The following CCDC28B variants were observed in gnomAD, a reference collection of about 807,000 sequenced individuals.
The protein encoded by CCDC28B is coiled-coil domain containing 28B, also known as coiled-coil domain-containing protein 28B.
CCDC28B carries 17 observed loss-of-function variants against 18.7 expected under a neutral mutation model. That is an observed-to-expected ratio of 0.91 (90% CI 0.62 to 1.36). The LOEUF (loss-of-function observed/expected upper bound fraction) is 1.36. Among genes scored for constraint, CCDC28B ranks in the 40% most tolerant of loss-of-function variants. CCDC28B has a pLI of 0.00. For synonymous variants in CCDC28B, 116 were observed against 105.1 expected, an observed-to-expected ratio of 1.10 and a Z score of -0.64; for missense variants, 213 against 251.7, an observed-to-expected ratio of 0.85 and a Z score of 1.04.
intron 2 of CCDC28B, 198 bp downstream of exon 2, chr1:32,202,297 GGGATCACATA>G (rs1486641139): frequency 1.4e-6 from 1 of 726,130 alleles, no homozygotes; most frequent in African/African-American, 1.7e-5. Flanking sequence ...GTGGGTCACT[GGGATCACATA>G]GCGTGAGGAT....
In CCDC28B at chr1:32,204,395, G is replaced by T; in HGVS notation, c.525+16G>T. ...GCTTAGCAATGTGGGTTCATGTCTG[G>T]GTGCTTTGGTTCCTGGGGGCATGAG... is the stretch of plus-strand genomic sequence containing the variant. On this transcript the variant is annotated intron_variant, in intron 4 of 5. Transcript: ENST00000373602. The T allele has an allele frequency of 6.4e-7, 1 of 1,552,764 alleles. No homozygotes were observed. Among genetic ancestry groups the T allele is most frequent in the Non-Finnish European group, 8.7e-7 (1 of 1,149,770 alleles).
In CCDC28B at chr1:32,202,066, T is replaced by C; in HGVS notation, c.131T>C (p.Leu44Pro). The part of the protein sequence containing the change: ...SGSLALGLPH[L>P]PSPKQRAKFK... ...TCCTTGGCCCTAGGACTTCCTCATC[T>C]GCCATCCCCCAAGCAGCGGGCCAAG... The change falls in exon 2 of 6, where the codon CTG becomes CCG. Residue 44 changes from leucine to proline, a missense_variant. Transcript: ENST00000373602. 1 of 1,613,446 alleles carries C rather than the reference T, an allele frequency of 6.2e-7. No individual in the cohort carries two copies. Among genetic ancestry groups the C allele is most frequent in the Non-Finnish European group, 8.5e-7 (1 of 1,179,686 alleles).
chr1:32,196,415 T>C (rs903865826), upstream of CCDC28B: 3 of 152,240 alleles, frequency 2.0e-5, no homozygotes, highest in African/African-American at 7.2e-5. Flanking sequence ...TCCTTGGGGA[T>C]TCTACTTCTT....
chr1:32,198,871 C>T (rs1205104749), upstream of CCDC28B, among the ~76,000 whole-genome samples: 1 of 152,126 alleles, frequency 6.6e-6, no homozygotes, highest in East Asian at 1.9e-4. Context: ...TGATAGGCTC[C>T]AGCAGTAAGG....
chr1:32,204,665 G>A (rs1165172714), intron 5 of CCDC28B, 45 bp downstream of exon 5: 4 of 1,613,928 alleles, frequency 2.5e-6, no homozygotes, highest in South Asian at 1.1e-5. Context: ...GTTCCTGAGA[G>A]GTCAGTTTCC....
In CCDC28B at chr1:32,205,246, T is replaced by C. The variant is rs1228074483; in HGVS notation, c.601T>C (p.Ter201GlnextTer41). The change falls in exon 6 of 6, where the codon TAG (stop) becomes CAG (glutamine). Residue 201 changes from the stop codon to glutamine, a stop_lost. Transcript: ENST00000373602. This position sits in a 1 kb window ranked among gnomAD's most constrained non-coding sequence, Gnocchi z 5.6. ...CGAGCCTGAGGAGCAGTCCGCTGCG[T>C]AGGCGTCCCACGCAGGCCCACACTG... ...NAEPEEQSAA[*>Q] 1.9e-6 allele frequency: 3 copies of C among 1,613,068 alleles called. No individual in the cohort carries two copies. In the South Asian group the frequency reaches 3.3e-5, roughly 18 times the overall value.
chr1:32,196,868 A>G (rs1273516007), upstream of CCDC28B: 1 of 152,262 alleles, frequency 6.6e-6, no homozygotes, highest in East Asian at 1.9e-4. Flanking sequence ...GAGATGGCAA[A>G]TGAATGGCAC....
chr1:32,205,125 T>C lies in CCDC28B; in HGVS notation c.549-69T>C. ...TTTGCACAGGTGAGGGAACTAAACC[T>C]GTGCAAGATGGGAGACCGGGGTGGG... is the stretch of plus-strand genomic sequence containing the variant. On this transcript the variant is annotated intron_variant, in intron 5 of 5. Coordinates refer to ENST00000373602, the MANE Select transcript of CCDC28B (RefSeq NM_024296.5). This position sits in a 1 kb window ranked among gnomAD's most constrained non-coding sequence, Gnocchi z 5.6. 6.3e-7 allele frequency: 1 copy of C among 1,584,362 alleles called. No homozygotes were observed. Among genetic ancestry groups the C allele is most frequent in the Non-Finnish European group, 8.6e-7 (1 of 1,158,164 alleles).
At chr1:32,198,590 T>C (rs980041840), upstream of CCDC28B, among the ~76,000 whole-genome samples, 1 of 152,226 alleles carries the variant, frequency 6.6e-6, no homozygotes, top group African/African-American at 2.4e-5. Flanking sequence ...AAAGGTACTT[T>C]TAGCTATAGA....
upstream of CCDC28B, chr1:32,197,971 G>A (rs1569644024): frequency 1.3e-5 from 2 of 152,458 alleles, no homozygotes; most frequent in East Asian, 1.9e-4. This position sits in a 1 kb window ranked among gnomAD's most constrained non-coding sequence, Gnocchi z 4.6. Context: ...GAGGCCAGTG[G>A]AGCTGCCTGG....
chr1:32,202,622 G>GT, intron 2 of CCDC28B: 1 of 277,462 alleles, frequency 3.6e-6, no homozygotes, highest in South Asian at 3.2e-5. Context: ...AGACCACTGT[G>GT]TTTCCCCCTG....
chr1:32,204,006 C>A lies in CCDC28B; in HGVS notation c.292C>A (p.Leu98Met). ...VYEMEGGLLN[L>M]LNDFHSGRLQ... is the part of the protein sequence containing the mutation. ...TGAGATGGAGGGGGGACTCCTGAACCTGCTCAATGATTTCCACTCTGGCCG... is the reference window on the plus strand; with the variant it reads ...TGAGATGGAGGGGGGACTCCTGAACATGCTCAATGATTTCCACTCTGGCCG... The change falls in exon 3 of 6, where the codon CTG becomes ATG. Residue 98 changes from leucine to methionine, a missense_variant. Leu to Met is a conservative substitution (Grantham distance 15). Coordinates refer to ENST00000373602, the MANE Select transcript of CCDC28B (RefSeq NM_024296.5). 6.4e-7 allele frequency: 1 copy of A among 1,564,410 alleles called. No homozygotes were observed. Among genetic ancestry groups the A allele is most frequent in the East Asian group, 2.3e-5 (1 of 44,428 alleles).
In CCDC28B at chr1:32,205,385, C is replaced by A. The variant is rs2124195475; in HGVS notation, c.*137C>A. The A allele has an allele frequency of 1.1e-6, 1 of 935,092 alleles. No individual in the cohort carries two copies. Among genetic ancestry groups the A allele is most frequent in the Non-Finnish European group, 1.6e-6 (1 of 628,840 alleles). The allele number at this position is 935,092 out of a possible 1,614,324, so 57.9% of individuals were successfully genotyped here. A position where few individuals can be genotyped will look rare whatever the true frequency, so the allele number is the denominator to read the frequency against. ...GAATGGAATTAAACCAGAAAGAAAG[C>A]AAGCGGCTCCGTGTCCTGCTTCCCC... On this transcript the variant is annotated 3_prime_UTR_variant, in exon 6 of 6. Transcript: ENST00000373602. This position sits in a 1 kb window ranked among gnomAD's most constrained non-coding sequence, Gnocchi z 5.6.
upstream of CCDC28B, among the ~76,000 whole-genome samples, chr1:32,199,414 T>C (rs937410173): frequency 1.3e-5 from 2 of 151,862 alleles, no homozygotes; most frequent in Non-Finnish European, 2.9e-5. Flanking sequence ...GCAAAGCAGC[T>C]CTGAGAATAA....
intron 1 of CCDC28B, chr1:32,201,653 T>G (rs535020767): frequency 1.8e-5 from 5 of 285,706 alleles, no homozygotes; most frequent in Non-Finnish European, 3.2e-5. Flanking sequence ...AGCGCCAAGA[T>G]AGTTGTGACT....
chr1:32,199,241 C>T (rs1192279249), upstream of CCDC28B, among the ~76,000 whole-genome samples: 1 of 152,180 alleles, frequency 6.6e-6, no homozygotes, highest in African/African-American at 2.4e-5. Flanking sequence ...CTCCAGGCCT[C>T]CACAAATAGA....
chr1:32,198,147 C>A (rs1009725744), upstream of CCDC28B: 5 of 152,314 alleles, frequency 3.3e-5, no homozygotes, highest in Admixed American at 2.0e-4. Context: ...TAACTGCTTT[C>A]CTTATGGCCC....
At chr1:32,203,664 C>A (rs1257921611) in intron 2 of CCDC28B, among the ~76,000 whole-genome samples, 2 of 152,156 alleles carry the variant, frequency 1.3e-5, no homozygotes, top group Non-Finnish European at 2.9e-5. Context: ...GTGTTATTAG[C>A]AGAAAAGACT....
At chr1:32,201,471 C>G (rs1643146362) in intron 1 of CCDC28B, among the ~76,000 whole-genome samples, 1 of 152,132 alleles carries the variant, frequency 6.6e-6, no homozygotes, top group Non-Finnish European at 1.5e-5. Flanking sequence ...TGTCCCCCTC[C>G]CATGCTGACA....
Sources: allele counts gnomAD v4.1 joint callset (sites outside exome capture counted in the v4.1 genomes callset), GRCh38; gene constraint gnomAD v4.1.1; non-coding constraint Gnocchi (gnomAD v3.1); transcripts MANE v1.5; gene names NCBI Gene and HGNC (gene_info 2026-07-23, HGNC 2026-07-21).